AREL1: variants seen among roughly 807,000 people sequenced by gnomAD.
The protein encoded by AREL1 is apoptosis resistant E3 ubiquitin protein ligase 1, also known as apoptosis-resistant E3 ubiquitin protein ligase 1.
Under a neutral mutation model 99.0 loss-of-function variants are expected in AREL1, and 62 were observed. The ratio of observed to expected loss-of-function variants is 0.63; its 90% CI spans 0.51 to 0.77. AREL1 has a LOEUF of 0.77. Among genes scored for constraint, AREL1 ranks in the 30% least tolerant of loss-of-function variants. The pLI is 0.00. For missense variants in AREL1, 879 were observed against 1,027.6 expected (o/e 0.86, Z 1.98); for synonymous variants, 380 against 376.5 (o/e 1.01, Z -0.11).
chr14:74,672,282 A>G (rs1200201146), intron 11 of AREL1, among the ~76,000 whole-genome samples: 1 of 152,242 alleles, frequency 6.6e-6, no homozygotes, highest in Admixed American at 6.5e-5. Flanking sequence ...TACCTCCAAC[A>G]AAACTGCCCC....
chr14:74,702,056 G>A (rs749489632), intron 1 of AREL1, among the ~76,000 whole-genome samples: 2 of 152,222 alleles, frequency 1.3e-5, no homozygotes, highest in Non-Finnish European at 2.9e-5. Context: ...CTCCCCAGCT[G>A]CTTTCGTGGG....
At chr14:74,691,597 G>A (rs750439095) in intron 2 of AREL1, among the ~76,000 whole-genome samples, 5 of 152,116 alleles carry the variant, frequency 3.3e-5, no homozygotes, top group African/African-American at 4.8e-5. Flanking sequence ...AAAGAAAAGT[G>A]GAATGCAATG....
At chr14:74,676,898 G>A (rs976930623) in intron 5 of AREL1, 146 bp from the exon 6 acceptor site, 10 of 548,020 alleles carry the variant, frequency 1.8e-5, no homozygotes, top group African/African-American at 1.4e-4. Context: ...CCGGGCTCAT[G>A]CCATTCTCCT....
At chr14:74,702,385 A>T (rs1335506601) in intron 1 of AREL1, among the ~76,000 whole-genome samples, 1 of 152,220 alleles carries the variant, frequency 6.6e-6, no homozygotes, top group Non-Finnish European at 1.5e-5. Context: ...ATCACGTGTA[A>T]GCTGCCAAGG....
At chr14:74,671,004 T>C in intron 12 of AREL1, 133 bp from the exon 13 acceptor site, 1 of 678,074 alleles carries the variant, frequency 1.5e-6, no homozygotes, top group Non-Finnish European at 2.5e-6. Context: ...TTGCGACTCA[T>C]CTAAACTGTG....
At chr14:74,704,810 T>C (rs530219063) in intron 1 of AREL1, among the ~76,000 whole-genome samples, 1 of 152,344 alleles carries the variant, frequency 6.6e-6, no homozygotes, top group East Asian at 1.9e-4. Context: ...TTTTGTGTTC[T>C]ATTTTTTAAA....
chr14:74,675,985 A>G, intron 7 of AREL1, 39 bp from the exon 8 acceptor site: 1 of 1,541,450 alleles, frequency 6.5e-7, no homozygotes, highest in Non-Finnish European at 8.7e-7. Flanking sequence ...AGTAGAAGTC[A>G]GAGAAGAAAA....
chr14:74,700,437 A>G (rs1032651950), intron 1 of AREL1, among the ~76,000 whole-genome samples: 17 of 152,218 alleles, frequency 1.1e-4, no homozygotes, highest in African/African-American at 4.1e-4. Context: ...GAAGGGGGGA[A>G]AAAGATATTA....
In AREL1 at chr14:74,674,102, C is replaced by T. The variant is rs1425957619; in HGVS notation, c.1090G>A (p.Val364Met). Reference protein sequence around the residue: ...YCYVSPKQFSVKEFYLKIIPW... With the variant: ...YCYVSPKQFSMKEFYLKIIPW... Reference sequence around the variant, plus strand: ...ATGATCTTCAGGTAGAACTCCTTCACTGAGAATTGCTGGAGGACCAACAGA... The same window carrying T: ...ATGATCTTCAGGTAGAACTCCTTCATTGAGAATTGCTGGAGGACCAACAGA... Residue 364 changes from valine to methionine, a missense_variant, in exon 9 of 20, where the codon GTG (valine) becomes ATG (methionine). Coordinates refer to ENST00000356357, the MANE Select transcript of AREL1 (RefSeq NM_001039479.2). 2 of 1,613,372 alleles carry T rather than the reference C, an allele frequency of 1.2e-6. No individual in the cohort carries two copies. The highest frequency in any genetic ancestry group is 1.7e-5 in the Admixed American group (1 of 60,002).
chr14:74,680,204 AAGAAAAGAAAAG>A lies in AREL1; in HGVS notation c.481+3080_481+3091del, dbSNP rs201806783. 7.2e-3 allele frequency among the ~76,000 whole-genome samples: 1,097 copies of A among 152,060 alleles called. 9 individuals carry two copies. Among genetic ancestry groups the A allele is most frequent in the African/African-American group, 0.024 (1,011 of 41,482 alleles). ...AAAAAAGAAAAAAAGAAAGAAAGAA[AAGAAAAGAAAAG>A]AGAAAAGAAAAGAAAAGAAAATGGA... On this transcript the variant is annotated intron_variant, in intron 5 of 19. Transcript: ENST00000356357.
intron 5 of AREL1, among the ~76,000 whole-genome samples, chr14:74,681,873 C>T (rs1267556860): frequency 2.0e-5 from 3 of 151,694 alleles, no homozygotes; most frequent in African/African-American, 7.3e-5. Flanking sequence ...ATGTTCTGTA[C>T]CTTGACTGTA....
At chr14:74,687,196 T>C (rs1284808180) in intron 2 of AREL1, among the ~76,000 whole-genome samples, 1 of 152,186 alleles carries the variant, frequency 6.6e-6, no homozygotes, top group Non-Finnish European at 1.5e-5. Context: ...AAATGAAGTA[T>C]ATGTGGCTGG....
intron 17 of AREL1, among the ~76,000 whole-genome samples, chr14:74,665,197 A>C (rs748530692): frequency 1.3e-5 from 2 of 152,166 alleles, no homozygotes; most frequent in Non-Finnish European, 2.9e-5. Context: ...GGGACCTCTA[A>C]ATCTGAATCT....
At chr14:74,711,686 T>G (rs1005532473) in intron 1 of AREL1, among the ~76,000 whole-genome samples, 1 of 152,174 alleles carries the variant, frequency 6.6e-6, no homozygotes, top group African/African-American at 2.4e-5. Flanking sequence ...CCTCGCATGT[T>G]AACTATGAAT....
Position 74,663,760 on chromosome 14 carries a change from A to G in AREL1, c.2432T>C (p.Leu811Pro), listed in dbSNP as rs1450129184. 1.9e-6 allele frequency: 3 copies of G among 1,613,920 alleles called. No individual in the cohort carries two copies. Among genetic ancestry groups the G allele is most frequent in the African/African-American group, 2.7e-5 (2 of 74,934 alleles). Residue 811 changes from leucine to proline, a missense_variant, in exon 20 of 20, where the codon CTG (leucine) becomes CCG (proline). Leu to Pro is a moderately conservative substitution (Grantham distance 98). Transcript: ENST00000356357. ...GCCCTCGCAACCCTCGCTGATGGCC[A>G]GCTGCAGCATCCTGTGCACCTCTTC... ...SYEEVHRMLQ[L>P]AISEGCEGFG...
Position 74,675,513 on chromosome 14 carries a change from C to T in AREL1, c.1080+186G>A, listed in dbSNP as rs113290657. On this transcript the variant is annotated intron_variant, in intron 8 of 19. Coordinates refer to ENST00000356357, the MANE Select transcript of AREL1 (RefSeq NM_001039479.2). ...AAAAGATCAAATTGTTTTGACACAG[C>T]ACAAGAAGCCAACAGTAATTTTTAT... Among the ~76,000 whole-genome samples the T allele has an allele frequency of 4.6e-3, 704 of 152,298 alleles. 5 individuals carry two copies. Among genetic ancestry groups the T allele is most frequent in the African/African-American group, 0.015 (626 of 41,566 alleles).
intron 2 of AREL1, 130 bp from the exon 3 acceptor site, chr14:74,685,790 C>T (rs2089735875): frequency 1.4e-6 from 1 of 704,826 alleles, no homozygotes. Context: ...TATTCCTATC[C>T]TCTTTCTAGC....
Position 74,667,376 on chromosome 14 carries a change from G to T in AREL1, c.2046C>A (p.Gly682=), listed in dbSNP as rs757157348. 1 of 1,614,084 alleles carries T rather than the reference G, an allele frequency of 6.2e-7. No homozygotes were observed. Among genetic ancestry groups the T allele is most frequent in the South Asian group, 1.1e-5 (1 of 91,072 alleles). Residue 682 remains glycine, a splice_region_variant and synonymous_variant, in exon 17 of 20, where the codon GGC becomes GGA. Coordinates refer to ENST00000356357, the MANE Select transcript of AREL1 (RefSeq NM_001039479.2). ...VKEEVEHFLK[G]LNELVPENLL... ...GGTTCTCAGGGACCAATTCATTCAG[G>T]CCTGAAACAAAGTAGGCAAGTTAAA...
At chr14:74,712,860 C>T (rs908146061) in intron 1 of AREL1, 73 bp downstream of exon 1, 2 of 487,496 alleles carry the variant, frequency 4.1e-6, no homozygotes, top group South Asian at 1.9e-5. Context: ...CTACCCTTTT[C>T]CTCCCTCTCT....
Sources: allele counts gnomAD v4.1 joint callset (sites outside exome capture counted in the v4.1 genomes callset), GRCh38; gene constraint gnomAD v4.1.1; transcripts MANE v1.5; gene names NCBI Gene and HGNC (gene_info 2026-07-23, HGNC 2026-07-21).